DNAAF9: variants seen among roughly 807,000 people sequenced by gnomAD.
DNAAF9 encodes shulin.
A neutral mutation model predicts 167.0 loss-of-function variants in DNAAF9; 90 were observed. That is an observed-to-expected ratio of 0.54 (90% CI 0.45 to 0.64). DNAAF9 has a LOEUF of 0.64. Ranked by LOEUF, DNAAF9 falls within the 30% of genes least tolerant of loss-of-function variation. The probability of loss-of-function intolerance (pLI) is 0.00; values close to 1 mark genes in which losing one functional copy is unlikely to be tolerated. For synonymous variants in DNAAF9, 491 were observed against 508.8 expected, an observed-to-expected ratio of 0.96 and a Z score of 0.47; for missense variants, 1,315 against 1,442.2, an observed-to-expected ratio of 0.91 and a Z score of 1.43.
chr20:3,264,357 C>T (rs1035114703), intron 31 of DNAAF9, 81 bp downstream of exon 31: 1 of 751,518 alleles, frequency 1.3e-6, no homozygotes, highest in Non-Finnish European at 2.3e-6. Flanking sequence ...TTTTCACCTT[C>T]TCTCTTTTTT....
At position 3,376,176 on chromosome 20, in the gene DNAAF9, A is replaced by G; in HGVS notation, c.408+2T>C. On this transcript the variant is annotated splice_donor_variant, in intron 4 of 36. Coordinates refer to ENST00000252032, the MANE Select transcript of DNAAF9 (RefSeq NM_001009984.3). LOFTEE classifies it high-confidence loss of function. The stretch of plus-strand genomic sequence containing the variant: ...GGTGCCTGTCTTCTCTTTTCTTCTT[A>G]CCTCATTTTCGGTCATGCAGTGGAA... 1 of 1,611,688 alleles carries G rather than the reference A, an allele frequency of 6.2e-7. No homozygotes were observed. The highest frequency in any genetic ancestry group is 8.5e-7 in the Non-Finnish European group (1 of 1,179,290).
chr20:3,354,220 T>C (rs993720625), intron 7 of DNAAF9, among the ~76,000 whole-genome samples: 1 of 152,214 alleles, frequency 6.6e-6, no homozygotes, highest in Non-Finnish European at 1.5e-5. Context: ...TGCTTTCCGC[T>C]AGACATGCTA....
rs373862320 is a variant in DNAAF9, at chr20:3,404,733, A to T, written c.83+2742T>A. Among the ~76,000 whole-genome samples, 380 of 152,362 alleles carry T rather than the reference A, an allele frequency of 2.5e-3. 1 individual carries two copies. Among genetic ancestry groups the T allele is most frequent in the African/African-American group, 8.8e-3 (366 of 41,584 alleles). On this transcript the variant is annotated intron_variant, in intron 1 of 36. Coordinates refer to ENST00000252032, the MANE Select transcript of DNAAF9 (RefSeq NM_001009984.3). ...TGTTGCATAATTTATATAAATAAAC[A>T]GTGAAATTTAAACTATTAAAGAAGT...
intron 30 of DNAAF9, among the ~76,000 whole-genome samples, chr20:3,268,185 C>T (rs1456752905): frequency 6.6e-6 from 1 of 151,518 alleles, no homozygotes; most frequent in African/African-American, 2.4e-5. Flanking sequence ...CCTGGCACCA[C>T]GCCTGGCCAA....
chr20:3,334,326 T>G (rs1267279446), intron 10 of DNAAF9, among the ~76,000 whole-genome samples: 1 of 152,208 alleles, frequency 6.6e-6, no homozygotes, highest in African/African-American at 2.4e-5. Flanking sequence ...ACACATCCAA[T>G]CTGACTCTCC....
intron 11 of DNAAF9, 105 bp from the exon 12 acceptor site, chr20:3,330,787 T>A: frequency 7.2e-6 from 4 of 554,614 alleles, no homozygotes; most frequent in Admixed American, 3.8e-5. Flanking sequence ...TGTCAAGAAC[T>A]ACACTTTTTT....
chr20:3,338,906 G>A (rs1293333358), intron 10 of DNAAF9, among the ~76,000 whole-genome samples: 3 of 151,808 alleles, frequency 2.0e-5, no homozygotes, highest in East Asian at 1.9e-4. Flanking sequence ...CACCTGCCTC[G>A]GCCTCCTGAA....
At chr20:3,404,418 A>G (rs2084028557) in intron 1 of DNAAF9, among the ~76,000 whole-genome samples, 1 of 152,230 alleles carries the variant, frequency 6.6e-6, no homozygotes, top group Non-Finnish European at 1.5e-5. Flanking sequence ...CCTCAGAGGT[A>G]GGAAACCATT....
At chr20:3,286,949 G>A (rs1054520601) in intron 27 of DNAAF9, among the ~76,000 whole-genome samples, 13 of 152,300 alleles carry the variant, frequency 8.5e-5, no homozygotes, top group Non-Finnish European at 2.9e-5. Flanking sequence ...AGCCTGGAGT[G>A]GTGATGGGTC....
At chr20:3,403,126 T>G (rs151040434) in intron 1 of DNAAF9, among the ~76,000 whole-genome samples, 1 of 152,218 alleles carries the variant, frequency 6.6e-6, no homozygotes, top group East Asian at 1.9e-4. Context: ...GTGCCTTGAT[T>G]CCCCCACTTC....
At chr20:3,343,765 C>A (rs1433656796) in intron 8 of DNAAF9, 34 bp from the exon 9 acceptor site, 2 of 1,545,070 alleles carry the variant, frequency 1.3e-6, no homozygotes, top group Non-Finnish European at 1.8e-6. Context: ...ATATTAAGAA[C>A]ACAATTTGGT....
chr20:3,397,721 G>C (rs904148425), intron 1 of DNAAF9, among the ~76,000 whole-genome samples: 1 of 27,090 alleles, frequency 3.7e-5, no homozygotes, highest in East Asian at 6.0e-4. Context: ...ATTTTTTTTG[G>C]GGGGGGGGAA....
chr20:3,277,978 C>T (rs1049777767), intron 29 of DNAAF9, among the ~76,000 whole-genome samples: 7 of 152,162 alleles, frequency 4.6e-5, no homozygotes, highest in African/African-American at 1.7e-4. Context: ...TTGTTTTCTT[C>T]CATCTGATTT....
intron 3 of DNAAF9, among the ~76,000 whole-genome samples, chr20:3,380,805 G>A (rs2083638923): frequency 6.6e-6 from 1 of 152,188 alleles, no homozygotes; most frequent in Admixed American, 6.5e-5. Context: ...TAGCTCCTGG[G>A]CAATAGCCCC....
chr20:3,404,068 T>C (rs1378441667), intron 1 of DNAAF9, among the ~76,000 whole-genome samples: 1 of 152,222 alleles, frequency 6.6e-6, no homozygotes, highest in Non-Finnish European at 1.5e-5. Flanking sequence ...TCACTCTTGT[T>C]GCCCACACTG....
At chr20:3,345,092 T>TA (rs1164912186) in intron 8 of DNAAF9, among the ~76,000 whole-genome samples, 2 of 151,874 alleles carry the variant, frequency 1.3e-5, no homozygotes, top group Admixed American at 6.6e-5. Context: ...GATTTCAGCT[T>TA]ACTGCAACTT....
At chr20:3,289,937 C>T (rs946743042) in intron 26 of DNAAF9, among the ~76,000 whole-genome samples, 192 bp downstream of exon 26, 2 of 152,160 alleles carry the variant, frequency 1.3e-5, no homozygotes, top group African/African-American at 2.4e-5. Flanking sequence ...GTATGTTCAT[C>T]GATGTATTCT....
intron 3 of DNAAF9, among the ~76,000 whole-genome samples, chr20:3,379,575 G>T (rs1218765326): frequency 6.6e-6 from 1 of 151,990 alleles, no homozygotes; most frequent in South Asian, 2.1e-4. Context: ...GTGATAGAGC[G>T]AGACTCTGTC....
chr20:3,407,280 T>C (rs886098388), intron 1 of DNAAF9, among the ~76,000 whole-genome samples, 195 bp downstream of exon 1: 6 of 151,914 alleles, frequency 3.9e-5, no homozygotes, highest in Non-Finnish European at 5.9e-5. Context: ...CGTTGCGGGG[T>C]TGTCCAAAGG....
Sources: gnomAD v4.1 joint callset for allele counts (sites outside exome capture counted in the v4.1 genomes callset) on GRCh38, gnomAD v4.1.1 for gene constraint, MANE v1.5 for transcripts, NCBI Gene and HGNC (gene_info 2026-07-23, HGNC 2026-07-21) for gene names.